Variants in RBFOX3 observed in about 807,000 individuals in gnomAD.
The protein encoded by RBFOX3 is RNA binding fox-1 homolog 3.
RBFOX3 carries 17 observed loss-of-function variants against 48.7 expected under a neutral mutation model. The ratio of observed to expected loss-of-function variants is 0.35; its 90% CI spans 0.24 to 0.52. The LOEUF (loss-of-function observed/expected upper bound fraction) is 0.52. Among genes scored for constraint, RBFOX3 ranks in the 20% least tolerant of loss-of-function variants. The pLI is 0.94. For missense variants in RBFOX3, 382 were observed against 497.5 expected (o/e 0.77, Z 2.21); for synonymous variants, 212 against 209.5 (o/e 1.01, Z -0.10).
intron 1 of RBFOX3, among the ~76,000 whole-genome samples, chr17:79,602,934 C>T (rs1236865050): frequency 6.6e-6 from 1 of 151,758 alleles, no homozygotes; most frequent in Non-Finnish European, 1.5e-5. Flanking sequence ...CAATGCCACT[C>T]CCTTTGCAAA....
chr17:79,468,821 A>AT (rs2076671260), intron 2 of RBFOX3, among the ~76,000 whole-genome samples: 11 of 146,592 alleles, frequency 7.5e-5, no homozygotes, highest in Non-Finnish European at 1.3e-4. Flanking sequence ...GACAGGCAGG[A>AT]GGATGGATGG....
At chr17:79,386,256 C>G (rs1294164976) in intron 2 of RBFOX3, among the ~76,000 whole-genome samples, 1 of 150,232 alleles carries the variant, frequency 6.7e-6, no homozygotes, top group Non-Finnish European at 1.5e-5. Flanking sequence ...ACCTCCCACA[C>G]CAGACGGGGG....
intron 1 of RBFOX3, among the ~76,000 whole-genome samples, chr17:79,609,561 G>C (rs2093922233): frequency 6.6e-6 from 1 of 152,164 alleles, no homozygotes; most frequent in African/African-American, 2.4e-5. Context: ...GCCAAAGCTG[G>C]AACGGAAAGG....
chr17:79,421,663 C>T lies in RBFOX3; in HGVS notation c.-175+60791G>A, dbSNP rs997652751. ...CGGGACCCCAGGGGCACACCGAACG[C>T]GGTCACCATAGGACCAAACAAGATG... On this transcript the variant is annotated intron_variant, in intron 2 of 14. Transcript: ENST00000693108. The surrounding 1 kb of genome is among the most constrained non-coding windows in gnomAD (Gnocchi z 4.5). Among the ~76,000 whole-genome samples, 2 of 152,114 alleles carry T rather than the reference C, an allele frequency of 1.3e-5. No individual in the cohort carries two copies. The highest frequency in any genetic ancestry group is 6.5e-5 in the Admixed American group (1 of 15,274).
At chr17:79,554,302 TCA>T (rs1248852420) in intron 1 of RBFOX3, among the ~76,000 whole-genome samples, 2 of 150,518 alleles carry the variant, frequency 1.3e-5, no homozygotes, top group Non-Finnish European at 3.0e-5. Flanking sequence ...CCATCCTCAC[TCA>T]CAGTCACCCC....
the RBFOX3 span, among the ~76,000 whole-genome samples, chr17:79,646,149 T>C: frequency 6.6e-6 from 1 of 152,130 alleles, no homozygotes. Context: ...TGATCTGTCA[T>C]GCATGTGCCC....
At chr17:79,537,264 C>T (rs1448746223) in intron 1 of RBFOX3, among the ~76,000 whole-genome samples, 1 of 152,196 alleles carries the variant, frequency 6.6e-6, no homozygotes, top group African/African-American at 2.4e-5. Flanking sequence ...CGGCGGTGCT[C>T]AGTGCACTTG....
In RBFOX3 at chr17:79,443,809, G is replaced by C. The variant is rs1555736446; in HGVS notation, c.-175+38645C>G. Among the ~76,000 whole-genome samples the C allele has an allele frequency of 6.6e-6, 1 of 152,114 alleles. No homozygotes were observed. The highest frequency in any genetic ancestry group is 6.5e-5 in the Admixed American group (1 of 15,276). On this transcript the variant is annotated intron_variant, in intron 2 of 14. Coordinates refer to ENST00000693108, the MANE Select transcript of RBFOX3 (RefSeq NM_001350451.2). The surrounding 1 kb of genome is among the most constrained non-coding windows in gnomAD (Gnocchi z 4.4). ...TCCCTCGGCCCCCGACCCTTTATTT[G>C]CTGAGCCCCAGAGTGACCCTCTGGG...
intron 1 of RBFOX3, among the ~76,000 whole-genome samples, chr17:79,552,671 G>A (rs1016037701): frequency 6.0e-4 from 92 of 152,122 alleles, no homozygotes; most frequent in Non-Finnish European, 1.1e-3. Flanking sequence ...TTTAAGGCTT[G>A]GCTCCATTTG....
intron 4 of RBFOX3, among the ~76,000 whole-genome samples, chr17:79,174,007 T>C (rs1357440636): frequency 1.3e-5 from 2 of 152,018 alleles, no homozygotes; most frequent in African/African-American, 4.8e-5. Context: ...CCCCTGAATT[T>C]GTTGGTCTAG....
At chr17:79,520,809 G>C (rs1358026594) in intron 1 of RBFOX3, among the ~76,000 whole-genome samples, 1 of 152,180 alleles carries the variant, frequency 6.6e-6, no homozygotes, top group Non-Finnish European at 1.5e-5. Context: ...AGCCTCCCCC[G>C]GCAGACACAC....
chr17:79,192,147 G>A (rs955100845), intron 4 of RBFOX3, among the ~76,000 whole-genome samples: 1 of 152,090 alleles, frequency 6.6e-6, no homozygotes, highest in African/African-American at 2.4e-5. Flanking sequence ...TCTAGCATTG[G>A]GGTCCAGCGA....
intron 4 of RBFOX3, among the ~76,000 whole-genome samples, chr17:79,157,648 C>T (rs963618966): frequency 2.6e-5 from 4 of 152,186 alleles, no homozygotes; most frequent in African/African-American, 9.6e-5. Context: ...CTCTCCTTGT[C>T]CCAGGAGAGC....
the RBFOX3 span, among the ~76,000 whole-genome samples, chr17:79,620,533 ACATGCACACACG>A: frequency 6.7e-6 from 1 of 149,834 alleles, no homozygotes; most frequent in Non-Finnish European, 1.5e-5. Context: ...GCATACGCGC[ACATGCACACACG>A]CATGCACACA....
At chr17:79,325,019 G>A (rs1025061757) in intron 2 of RBFOX3, among the ~76,000 whole-genome samples, 5 of 152,250 alleles carry the variant, frequency 3.3e-5, no homozygotes, top group Non-Finnish European at 7.3e-5. Context: ...CGCACTCAGC[G>A]TTGGGCATAC....
At chr17:79,548,234 A>G (rs1555792560) in intron 1 of RBFOX3, among the ~76,000 whole-genome samples, 1 of 152,136 alleles carries the variant, frequency 6.6e-6, no homozygotes, top group Non-Finnish European at 1.5e-5. Flanking sequence ...TCCACCCAGG[A>G]GGGCCCAGCC....
intron 2 of RBFOX3, among the ~76,000 whole-genome samples, chr17:79,340,662 G>A (rs767177374): frequency 5.5e-4 from 84 of 152,070 alleles, no homozygotes; most frequent in Middle Eastern, 3.2e-3. Flanking sequence ...CTGGCACTCA[G>A]AAACCTGGAG....
chr17:79,321,426 A>G lies in RBFOX3; in HGVS notation c.-174-13602T>C, dbSNP rs371195021. Among the ~76,000 whole-genome samples the G allele has an allele frequency of 4.6e-4, 70 of 152,306 alleles. 1 individual carries two copies. Among genetic ancestry groups the G allele is most frequent in the African/African-American group, 1.6e-3 (67 of 41,572 alleles). On this transcript the variant is annotated intron_variant, in intron 2 of 14. Transcript: ENST00000693108. ...AGACCCCTCCAGGTCCGGCCCCAACACGCCCACTCCTAACTGGAGCCGAGA... is the reference window on the plus strand; with the variant it reads ...AGACCCCTCCAGGTCCGGCCCCAACGCGCCCACTCCTAACTGGAGCCGAGA...
chr17:79,170,369 C>T (rs909862970), intron 4 of RBFOX3, among the ~76,000 whole-genome samples: 1 of 152,064 alleles, frequency 6.6e-6, no homozygotes, highest in Non-Finnish European at 1.5e-5. Context: ...ACCTGAGAGT[C>T]CCCTGCCAGG....
Sources: gnomAD v4.1 joint callset for allele counts (sites outside exome capture counted in the v4.1 genomes callset) on GRCh38, gnomAD v4.1.1 for gene constraint, Gnocchi (gnomAD v3.1) non-coding constraint, MANE v1.5 for transcripts, NCBI Gene and HGNC (gene_info 2026-07-23, HGNC 2026-07-21) for gene names.